HERC1: variants seen among roughly 807,000 people sequenced by gnomAD.
HERC1 encodes the protein HECT and RLD domain containing E3 ubiquitin protein ligase family member 1, also known as probable E3 ubiquitin-protein ligase HERC1.
In HERC1, 160 loss-of-function variants were observed where a neutral mutation model predicts 554.3. The observed-to-expected ratio is 0.29, with a 90% CI of 0.25 to 0.33. HERC1 has a LOEUF of 0.33. Among genes scored for constraint, HERC1 ranks in the 10% least tolerant of loss-of-function variants. The pLI, the probability that HERC1 is intolerant of heterozygous loss-of-function variation, is 1.00. For synonymous variants in HERC1, 2,175 were observed against 2,131.7 expected (o/e 1.02, Z -0.56); for missense variants, 4,919 against 5,918.5 (o/e 0.83, Z 5.54).
intron 70 of HERC1, 121 bp from the exon 71 acceptor site, chr15:63,626,275 C>A (rs890517200): frequency 1.2e-5 from 11 of 892,546 alleles, no homozygotes; most frequent in Admixed American, 2.8e-5. Context: ...CCCATTCAAA[C>A]CTCTATCCAT....
chr15:63,729,779 T>A (rs1205732079), intron 14 of HERC1, 130 bp from the exon 15 acceptor site: 1 of 811,154 alleles, frequency 1.2e-6, no homozygotes, highest in African/African-American at 1.7e-5. Flanking sequence ...TCCCAGCACT[T>A]TGGGAGTCCG....
chr15:63,832,293 A>G (rs992700209), intron 1 of HERC1, among the ~76,000 whole-genome samples: 4 of 152,092 alleles, frequency 2.6e-5, no homozygotes, highest in Non-Finnish European at 5.9e-5. Context: ...GTGTGTCTCT[A>G]TACATATATA....
intron 74 of HERC1, among the ~76,000 whole-genome samples, chr15:63,621,694 T>C (rs1203412110): frequency 6.6e-6 from 1 of 152,226 alleles, no homozygotes; most frequent in East Asian, 1.9e-4. Flanking sequence ...CGTTTCTTTT[T>C]ATTCTTTTTT....
rs939066403 is a variant in HERC1, at chr15:63,616,038, G to T, written c.13942-118C>A. On this transcript the variant is annotated intron_variant, in intron 75 of 77. Coordinates refer to ENST00000443617, the MANE Select transcript of HERC1 (RefSeq NM_003922.4). ...CACAATTTTTAAGGATAAAAACAAG[G>T]AACACAAAACAGGTAGGACTGATCA... The T allele has an allele frequency of 1.3e-5, 11 of 876,066 alleles. No homozygotes were observed. In the South Asian group the frequency reaches 1.7e-4, roughly 13 times the overall value. The allele number at this position is 876,066 out of a possible 1,614,324, so 54.3% of individuals were successfully genotyped here. A position where few individuals can be genotyped will look rare whatever the true frequency, so the allele number is the denominator to read the frequency against.
At chr15:63,730,360 G>A (rs1044547103) in intron 14 of HERC1, among the ~76,000 whole-genome samples, 7 of 151,882 alleles carry the variant, frequency 4.6e-5, no homozygotes, top group Non-Finnish European at 1.0e-4. Context: ...TTGGGAGGCT[G>A]AGGTGGGAGG....
At chr15:63,695,687 C>T (rs138179660) in intron 27 of HERC1, among the ~76,000 whole-genome samples, 22 of 152,212 alleles carry the variant, frequency 1.4e-4, no homozygotes, top group Admixed American at 6.5e-4. Flanking sequence ...CACGCCCGGC[C>T]GAGTCTGTAT....
chr15:63,795,871 G>C (rs1157127192), intron 1 of HERC1, among the ~76,000 whole-genome samples: 1 of 152,240 alleles, frequency 6.6e-6, no homozygotes, highest in African/African-American at 2.4e-5. Flanking sequence ...GGCAAAGGCA[G>C]AGGAGAATCA....
In HERC1 at chr15:63,654,129, T is replaced by G. The variant is rs1472635204; in HGVS notation, c.10280A>C (p.His3427Pro). 6.2e-7 allele frequency: 1 copy of G among 1,611,546 alleles called. No individual in the cohort carries two copies. Among genetic ancestry groups the G allele is most frequent in the Non-Finnish European group, 8.5e-7 (1 of 1,177,648 alleles). The change falls in exon 51 of 78, where the codon CAT (histidine) becomes CCT (proline). Residue 3427 changes from histidine to proline, a missense_variant. His to Pro is a moderately conservative substitution (Grantham distance 77). Coordinates refer to ENST00000443617, the MANE Select transcript of HERC1 (RefSeq NM_003922.4). Reference protein sequence around the residue: ...RKCSFIKLEAHQNRVMTCVWC... With the variant: ...RKCSFIKLEAPQNRVMTCVWC... ...ACTCAAAATACTTACTCTGTTCTGA[T>G]GAGCCTCCAATTTGATAAAGGAGCA...
intron 45 of HERC1, among the ~76,000 whole-genome samples, chr15:63,661,543 T>C (rs2070359025): frequency 6.6e-6 from 1 of 152,156 alleles, no homozygotes. Context: ...GTTAACACAG[T>C]CAAACTCCAG....
intron 1 of HERC1, among the ~76,000 whole-genome samples, chr15:63,779,185 A>G (rs577477971): frequency 2.0e-5 from 3 of 152,224 alleles, no homozygotes; most frequent in African/African-American, 7.2e-5. Context: ...CAAAACAAAC[A>G]AAAACAGAGC....
intron 39 of HERC1, 84 bp downstream of exon 39, chr15:63,672,412 T>G (rs1032658332): frequency 6.3e-5 from 55 of 876,020 alleles, no homozygotes; most frequent in Non-Finnish European, 4.3e-5. Flanking sequence ...AAGATTCAGT[T>G]GGGCATACTA....
Position 63,677,928 on chromosome 15 carries a change from C to A in HERC1, c.6987G>T (p.Gly2329=). The A allele has an allele frequency of 6.2e-7, 1 of 1,614,014 alleles. No homozygotes were observed. Among genetic ancestry groups the A allele is most frequent in the Non-Finnish European group, 8.5e-7 (1 of 1,179,894 alleles). The change falls in exon 37 of 78, where the codon GGG becomes GGT. Residue 2329 remains glycine, a synonymous_variant. Transcript: ENST00000443617. This position sits in a 1 kb window ranked among gnomAD's most constrained non-coding sequence, Gnocchi z 4.4. ...VGGRCVHKQT[G]RHATLLGVVK... is the part of the protein sequence containing the mutation. ...CCACTCCCAGCAGCGTGGCATGGCG[C>A]CCAGTTTGCTTGTGAACACACCGAC...
chr15:63,823,311 C>T (rs1053586212), intron 1 of HERC1, among the ~76,000 whole-genome samples: 3 of 152,102 alleles, frequency 2.0e-5, no homozygotes, highest in African/African-American at 7.2e-5. Flanking sequence ...AAATGTGAGT[C>T]AACTGGCATA....
In HERC1 at chr15:63,663,190, A is replaced by T; in HGVS notation, c.8695T>A (p.Ser2899Thr). Residue 2899 changes from serine to threonine, a missense_variant, in exon 44 of 78, where the codon TCT becomes ACT. By Grantham distance (58) the Ser-to-Thr change is moderately conservative. This residue lies in a region of HERC1 where 1,963 missense variants were observed against 2,228.6 expected (regional missense o/e 0.88). Transcript: ENST00000443617. The part of the protein sequence containing the change: ...LLARAAGLYR[S>T]VQAHRNQSRR... The stretch of plus-strand genomic sequence containing the variant: ...CTTTGATTCCTGTGGGCCTGCACAG[A>T]GCGGTATAATCCCGCTCAGAACAAA... The T allele has an allele frequency of 6.2e-7, 1 of 1,614,002 alleles. No homozygotes were observed. The highest frequency in any genetic ancestry group is 8.5e-7 in the Non-Finnish European group (1 of 1,179,866).
intron 56 of HERC1, 101 bp downstream of exon 56, chr15:63,645,382 G>T: frequency 2.5e-6 from 2 of 815,178 alleles, no homozygotes; most frequent in Non-Finnish European, 1.9e-6. Flanking sequence ...ATAGCAACTG[G>T]CAATAAACTC....
chr15:63,737,538 T>G (rs1227158261), intron 12 of HERC1, among the ~76,000 whole-genome samples: 1 of 124,396 alleles, frequency 8.0e-6, no homozygotes, highest in African/African-American at 3.2e-5. Context: ...TATATATATA[T>G]ATATATATAT....
intron 55 of HERC1, among the ~76,000 whole-genome samples, chr15:63,646,041 A>C (rs1034583874): frequency 6.6e-6 from 1 of 152,212 alleles, no homozygotes; most frequent in African/African-American, 2.4e-5. Flanking sequence ...AAAAGAAGAG[A>C]CTTAAAAAAA....
chr15:63,749,659 C>A lies in HERC1; in HGVS notation c.2035G>T (p.Ala679Ser), dbSNP rs1596148050. The A allele has an allele frequency of 1.3e-6, 2 of 1,598,958 alleles. No individual in the cohort carries two copies. The highest frequency in any genetic ancestry group is 1.1e-5 in the South Asian group (1 of 88,970). The change falls in exon 9 of 78, where the codon GCT becomes TCT. Residue 679 changes from alanine (A) to serine (S), a missense_variant. Coordinates refer to ENST00000443617, the MANE Select transcript of HERC1 (RefSeq NM_003922.4). This position sits in a 1 kb window ranked among gnomAD's most constrained non-coding sequence, Gnocchi z 4.1. ...CAAATGACTTTACCATGAGAAAGAG[C>A]CAAACAATGACTGTCTCCAATAGAA... ...DVSIGDSHCL[A>S]LSHDNEVYAW... is the part of the protein sequence containing the mutation.
At chr15:63,729,403 G>A in intron 15 of HERC1, 35 bp from the exon 16 acceptor site, 2 of 1,593,226 alleles carry the variant, frequency 1.3e-6, no homozygotes, top group Non-Finnish European at 1.7e-6. Context: ...TTACTACTTT[G>A]AAAGATTCAA....
Sources: allele counts gnomAD v4.1 joint callset (sites outside exome capture counted in the v4.1 genomes callset), GRCh38; gene constraint gnomAD v4.1.1; regional missense constraint gnomAD v4.1.1; non-coding constraint Gnocchi (gnomAD v3.1); transcripts MANE v1.5; gene names NCBI Gene and HGNC (gene_info 2026-07-23, HGNC 2026-07-21).